The following RPA1 variants were observed in gnomAD, a reference collection of about 807,000 sequenced individuals.
RPA1 encodes replication protein A 70 kDa DNA-binding subunit.
In RPA1, 49 loss-of-function variants were observed where a neutral mutation model predicts 83.0. The ratio of observed to expected loss-of-function variants is 0.59; its 90% CI spans 0.47 to 0.75. The LOEUF (loss-of-function observed/expected upper bound fraction) is 0.75. RPA1 is among the 30% of genes least tolerant of loss of function. RPA1 has a pLI of 0.00. For missense variants in RPA1, 693 were observed against 776.1 expected (o/e 0.89, Z 1.27); for synonymous variants, 279 against 281.8 (o/e 0.99, Z 0.10).
In RPA1 at chr17:1,844,018, C is replaced by T; in HGVS notation, c.163+20C>T. The T allele has an allele frequency of 6.2e-7, 1 of 1,604,062 alleles. No individual in the cohort carries two copies. Among genetic ancestry groups the T allele is most frequent in the Non-Finnish European group, 8.5e-7 (1 of 1,172,636 alleles). On this transcript the variant is annotated intron_variant, in intron 3 of 16. Transcript: ENST00000254719. ...TATCCTGTGAGTATGGTGTATCCAT[C>T]TAGAAATGTGTGAGTATTTAAATAG...
rs772945013 is a variant in RPA1 at position 1,884,521 on chromosome 17, C to T, written c.1374+577C>T. Among the ~76,000 whole-genome samples, 2 of 152,172 alleles carry T rather than the reference C, an allele frequency of 1.3e-5. No individual in the cohort carries two copies. The highest frequency in any genetic ancestry group is 2.9e-5 in the Non-Finnish European group (2 of 68,028). Reference sequence around the variant, plus strand: ...ACCCTCCTCCCATCTTGATCTAAGCCTGTGTTCTGCCAGCAGTTTAGTATT... The same window carrying T: ...ACCCTCCTCCCATCTTGATCTAAGCTTGTGTTCTGCCAGCAGTTTAGTATT... On this transcript the variant is annotated intron_variant, in intron 13 of 16. Coordinates refer to ENST00000254719, the MANE Select transcript of RPA1 (RefSeq NM_002945.5). This position sits in a 1 kb window ranked among gnomAD's most constrained non-coding sequence, Gnocchi z 4.1.
Position 1,844,642 on chromosome 17 carries a change from A to G in RPA1, c.228A>G (p.Val76=), listed in dbSNP as rs376951145. 4 of 1,613,892 alleles carry G rather than the reference A, an allele frequency of 2.5e-6. No individual in the cohort carries two copies. In the Admixed American group the frequency reaches 6.7e-5, roughly 27 times the overall value. The stretch of plus-strand genomic sequence containing the variant: ...AAGAACAATTGTCCAGCAACTGTGT[A>G]TGCCAGATTCACAGATTTATTGTGA... ...VEEEQLSSNC[V]CQIHRFIVNT... Residue 76 remains valine (V), a synonymous_variant, in exon 4 of 17, where the codon GTA becomes GTG. Coordinates refer to ENST00000254719, the MANE Select transcript of RPA1 (RefSeq NM_002945.5).
chr17:1,889,021 G>T (rs962822755), intron 14 of RPA1, among the ~76,000 whole-genome samples, 170 bp downstream of exon 14: 1 of 152,172 alleles, frequency 6.6e-6, no homozygotes, highest in African/African-American at 2.4e-5. Flanking sequence ...AAGTGGTGTT[G>T]AGATACCCCA....
At chr17:1,861,331 C>T (rs1912957575) in intron 5 of RPA1, among the ~76,000 whole-genome samples, 2 of 152,160 alleles carry the variant, frequency 1.3e-5, no homozygotes. Context: ...TGGTGCAGAC[C>T]CACTCGCTCG....
Position 1,897,139 on chromosome 17 carries a change from G to T in RPA1, c.1815G>T (p.Arg605Ser). The T allele has an allele frequency of 6.4e-7, 1 of 1,565,116 alleles. No individual in the cohort carries two copies. The highest frequency in any genetic ancestry group is 8.7e-7 in the Non-Finnish European group (1 of 1,154,612). The change falls in exon 17 of 17, where the codon AGG becomes AGT. Residue 605 changes from arginine to serine, a missense_variant. Coordinates refer to ENST00000254719, the MANE Select transcript of RPA1 (RefSeq NM_002945.5). ...TGGACTACAGAGAGTATGGCCGAAG[G>T]CTGGTCATGAGCATCAGGAGAAGTG... ...KPVDYREYGR[R>S]LVMSIRRSAL... is the part of the protein sequence containing the mutation.
intron 4 of RPA1, among the ~76,000 whole-genome samples, chr17:1,846,406 C>T (rs1912258781): frequency 1.3e-5 from 2 of 149,800 alleles, no homozygotes; most frequent in Admixed American, 6.7e-5. Context: ...TAGCCTTGAC[C>T]TCCCGGGCTC....
chr17:1,863,293 C>T (rs1913055925), intron 5 of RPA1, among the ~76,000 whole-genome samples: 2 of 151,760 alleles, frequency 1.3e-5, no homozygotes, highest in Non-Finnish European at 2.9e-5. Flanking sequence ...CTCACTGCAA[C>T]CTCCACCTCC....
intron 4 of RPA1, among the ~76,000 whole-genome samples, chr17:1,846,638 T>C (rs1373219732): frequency 1.3e-5 from 2 of 152,046 alleles, no homozygotes; most frequent in African/African-American, 4.8e-5. Context: ...TCTTTTTTCT[T>C]CTGGTATGTG....
At chr17:1,842,924 G>A in intron 2 of RPA1, 71 bp downstream of exon 2, 2 of 1,508,914 alleles carry the variant, frequency 1.3e-6, no homozygotes, top group Non-Finnish European at 1.8e-6. Flanking sequence ...TACGTTTGAT[G>A]AAGGACAGAC....
chr17:1,872,263 C>T, intron 5 of RPA1, 171 bp from the exon 6 acceptor site: 3 of 960,770 alleles, frequency 3.1e-6, no homozygotes, highest in East Asian at 2.7e-5. Flanking sequence ...AAAAGTGAAC[C>T]CCTAGCAAAT....
chr17:1,896,977 C>T, intron 16 of RPA1, 94 bp from the exon 17 acceptor site: 2 of 999,408 alleles, frequency 2.0e-6, no homozygotes, highest in South Asian at 1.4e-5. Flanking sequence ...TCTGTTCCCT[C>T]CCGCTGGGCT....
At position 1,882,009 on chromosome 17, in the gene RPA1, T is replaced by G. The variant is rs1017650750; in HGVS notation, c.1241+1318T>G. ...GGCCTTGCTGTGCCCCTGTGAGGGA[T>G]TTAGCCGCTTACCTGACAGGAGAAG... is the stretch of plus-strand genomic sequence containing the variant. On this transcript the variant is annotated intron_variant, in intron 12 of 16. Coordinates refer to ENST00000254719, the MANE Select transcript of RPA1 (RefSeq NM_002945.5). Among the ~76,000 whole-genome samples, 7 of 152,068 alleles carry G rather than the reference T, an allele frequency of 4.6e-5. No homozygotes were observed. The East Asian group carries it at 1.4e-3, about 29-fold the overall frequency.
chr17:1,864,014 T>A (rs1913085022), intron 5 of RPA1, among the ~76,000 whole-genome samples: 3 of 152,214 alleles, frequency 2.0e-5, no homozygotes. Context: ...AAATATAAAA[T>A]CGACTTTAAG....
chr17:1,876,959 G>A (rs1913595326), intron 7 of RPA1, among the ~76,000 whole-genome samples: 1 of 152,192 alleles, frequency 6.6e-6, no homozygotes. Context: ...TTTTGGAGAA[G>A]GGAGAGAGTT....
rs765237444 is a variant in RPA1, at chr17:1,888,748, C to T, written c.1448C>T (p.Thr483Ile). 1.9e-6 allele frequency: 3 copies of T among 1,614,238 alleles called. 1 individual carries two copies. In the South Asian group the frequency reaches 3.3e-5, roughly 18 times the overall value. ...KENCMYQACPTQDCNKKVIDQ... is the reference protein window; with the variant it reads ...KENCMYQACPIQDCNKKVIDQ... ...AACTGCATGTACCAAGCCTGCCCGA[C>T]TCAGGACTGCAATAAGAAAGTGATT... Residue 483 changes from threonine to isoleucine, a missense_variant, in exon 14 of 17, where the codon ACT becomes ATT. By Grantham distance (89) the Thr-to-Ile change is moderately conservative (BLOSUM62 -1). Transcript: ENST00000254719.
intron 4 of RPA1, among the ~76,000 whole-genome samples, chr17:1,848,464 A>C (rs958835302): frequency 6.6e-6 from 1 of 151,622 alleles, no homozygotes; most frequent in Admixed American, 6.6e-5. Context: ...TACAAAAATC[A>C]GCCGGGCATG....
At chr17:1,847,401 G>C (rs1912302839) in intron 4 of RPA1, among the ~76,000 whole-genome samples, 1 of 152,158 alleles carries the variant, frequency 6.6e-6, no homozygotes, top group Admixed American at 6.6e-5. Flanking sequence ...GTCCTTGCTG[G>C]GAAACTTCAC....
chr17:1,883,146 C>T lies in RPA1; in HGVS notation c.1242-666C>T, dbSNP rs557989168. The stretch of plus-strand genomic sequence containing the variant: ...GATCAGCCTGGCCAACAGAGCAAGA[C>T]CCCATCTCTTAAAAAAATTTTTTTT... On this transcript the variant is annotated intron_variant, in intron 12 of 16. Transcript: ENST00000254719. 4.6e-5 allele frequency among the ~76,000 whole-genome samples: 7 copies of T among 152,272 alleles called. No homozygotes were observed. In the South Asian group the frequency reaches 1.5e-3, roughly 32 times the overall value.
chr17:1,871,210 G>A (rs1166701501), intron 5 of RPA1, among the ~76,000 whole-genome samples: 2 of 152,136 alleles, frequency 1.3e-5, no homozygotes, highest in Non-Finnish European at 2.9e-5. Flanking sequence ...CTTTTTCTAT[G>A]TAAATAAGGT....
Sources: gnomAD v4.1 joint callset for allele counts (sites outside exome capture counted in the v4.1 genomes callset) on GRCh38, gnomAD v4.1.1 for gene constraint, Gnocchi (gnomAD v3.1) non-coding constraint, MANE v1.5 for transcripts, NCBI Gene and HGNC (gene_info 2026-07-23, HGNC 2026-07-21) for gene names.